The following ST3GAL4 variants were observed in gnomAD, a reference collection of about 807,000 sequenced individuals.
ST3GAL4 encodes the protein CMP-N-acetylneuraminate-beta-galactosamide-alpha-2,3-sialyltransferase 4.
ST3GAL4 carries 24 observed loss-of-function variants against 42.6 expected under a neutral mutation model. That is an observed-to-expected ratio of 0.56 (90% confidence interval 0.41 to 0.79). ST3GAL4 has a LOEUF of 0.79. Among genes scored for constraint, ST3GAL4 ranks in the 30% least tolerant of loss-of-function variants. ST3GAL4 has a pLI of 0.00. For synonymous variants in ST3GAL4, 135 were observed against 163.2 expected (o/e 0.83, Z 1.32); for missense variants, 311 against 430.8 (o/e 0.72, Z 2.46).
Position 126,397,044 on chromosome 11 carries a change from AC to A in ST3GAL4, c.-60-9048del, listed in dbSNP as rs904212205. Among the ~76,000 whole-genome samples, 1 of 151,960 alleles carries A rather than the reference AC, an allele frequency of 6.6e-6. No homozygotes were observed. The highest frequency in any genetic ancestry group is 2.4e-5 in the African/African-American group (1 of 41,324). ...AAACACCCCATAATACACAAGACAG[AC>A]CCCGCAACAGTGAACTCTCTGGCCC... On this transcript the variant is annotated intron_variant, in intron 1 of 10. Coordinates refer to ENST00000444328, the MANE Select transcript of ST3GAL4 (RefSeq NM_001254757.2). This position sits in a 1 kb window ranked among gnomAD's most constrained non-coding sequence, Gnocchi z 5.0.
chr11:126,414,024 A>G lies in ST3GAL4; in HGVS notation c.979A>G (p.Ile327Val), dbSNP rs2135574459. 2 of 1,614,226 alleles carry G rather than the reference A, an allele frequency of 1.2e-6. No individual in the cohort carries two copies. Among genetic ancestry groups the G allele is most frequent in the Non-Finnish European group, 1.7e-6 (2 of 1,180,038 alleles). Residue 327 changes from isoleucine to valine, a missense_variant, in exon 11 of 11, where the codon ATC becomes GTC. Physicochemically the swap from Ile to Val is conservative, Grantham distance 29 (BLOSUM62 3). Transcript: ENST00000444328. Reference protein sequence around the residue: ...AIKRMLEMGAIKNLTSF With the variant: ...AIKRMLEMGAVKNLTSF ...TAAGCGGATGCTGGAGATGGGAGCT[A>G]TCAAGAACCTCACGTCCTTCTGACC...
chr11:126,356,691 G>T (rs1477761814), intron 1 of ST3GAL4, among the ~76,000 whole-genome samples: 1 of 152,226 alleles, frequency 6.6e-6, no homozygotes, highest in Non-Finnish European at 1.5e-5. Context: ...GCCCAGCTGT[G>T]CCCTGTCTGA....
At chr11:126,405,792 T>A (rs1178453614) in intron 1 of ST3GAL4, 1 of 365,824 alleles carries the variant, frequency 2.7e-6, no homozygotes, top group Non-Finnish European at 5.1e-6. Flanking sequence ...CAGAAGGAGA[T>A]GGTGAGAAGA....
rs998203762 is a variant in ST3GAL4, at chr11:126,359,412, C to T, written c.-61+3570C>T. ...AATGGAGGATTGAAGGATTAAGTTACTTGGCCAAGGTCATACAGCTCGTAA... is the reference window on the plus strand; with the variant it reads ...AATGGAGGATTGAAGGATTAAGTTATTTGGCCAAGGTCATACAGCTCGTAA... On this transcript the variant is annotated intron_variant, in intron 1 of 10. Coordinates refer to ENST00000444328, the MANE Select transcript of ST3GAL4 (RefSeq NM_001254757.2). This position sits in a 1 kb window ranked among gnomAD's most constrained non-coding sequence, Gnocchi z 4.8. Among the ~76,000 whole-genome samples, 1 of 152,178 alleles carries T rather than the reference C, an allele frequency of 6.6e-6. No homozygotes were observed. Among genetic ancestry groups the T allele is most frequent in the Non-Finnish European group, 1.5e-5 (1 of 68,040 alleles).
chr11:126,374,016 C>T (rs920094247), intron 1 of ST3GAL4, among the ~76,000 whole-genome samples: 1 of 152,010 alleles, frequency 6.6e-6, no homozygotes, highest in Non-Finnish European at 1.5e-5. Flanking sequence ...GTATTGAGAG[C>T]CTGCTGGGTG....
chr11:126,397,360 G>T lies in ST3GAL4; in HGVS notation c.-60-8736G>T, dbSNP rs1018667991. On this transcript the variant is annotated intron_variant, in intron 1 of 10. Transcript: ENST00000444328. This position sits in a 1 kb window ranked among gnomAD's most constrained non-coding sequence, Gnocchi z 5.0. ...ATTCTATAGTACACTTAACTCTGGT[G>T]GGCTCTTGGTATAAAAATGTCTCCA... Among the ~76,000 whole-genome samples, 3 of 152,070 alleles carry T rather than the reference G, an allele frequency of 2.0e-5. No individual in the cohort carries two copies. Among genetic ancestry groups the T allele is most frequent in the Non-Finnish European group, 2.9e-5 (2 of 68,034 alleles).
At chr11:126,388,767 C>CTTTTTTTTTTT (rs10683946) in intron 1 of ST3GAL4, among the ~76,000 whole-genome samples, 1 of 52,054 alleles carries the variant, frequency 1.9e-5, no homozygotes, top group African/African-American at 9.1e-5. Context: ...TTTTCAGTGT[C>CTTTTTTTTTTT]TTTTTTTTTT....
rs1953156562 is a variant in ST3GAL4 at position 126,384,819 on chromosome 11, G to A, written c.-60-21277G>A. Reference sequence around the variant, plus strand: ...TCTGCCTGTCTCCCTGGCCGTGGCAGGTCCTTTGTCACATATGGGCCAGGA... The same window carrying A: ...TCTGCCTGTCTCCCTGGCCGTGGCAAGTCCTTTGTCACATATGGGCCAGGA... On this transcript the variant is annotated intron_variant, in intron 1 of 10. Coordinates refer to ENST00000444328, the MANE Select transcript of ST3GAL4 (RefSeq NM_001254757.2). This position sits in a 1 kb window ranked among gnomAD's most constrained non-coding sequence, Gnocchi z 5.5. 1 of 985,288 alleles carries A rather than the reference G, an allele frequency of 1.0e-6. No homozygotes were observed. The highest frequency in any genetic ancestry group is 1.7e-5 in the African/African-American group (1 of 57,222). 61.0% of individuals were successfully genotyped at this position (985,288 alleles called of 1,614,324 possible).
chr11:126,401,396 C>T lies in ST3GAL4; in HGVS notation c.-60-4700C>T, dbSNP rs546895252. 4.0e-5 allele frequency among the ~76,000 whole-genome samples: 6 copies of T among 151,878 alleles called. No homozygotes were observed. In the South Asian group the frequency reaches 1.0e-3, roughly 26 times the overall value. ...CAGCTTGGCCAACATGGTGAAACCC[C>T]GTCTCTACTAAACATACAAAAATTA... On this transcript the variant is annotated intron_variant, in intron 1 of 10. Coordinates refer to ENST00000444328, the MANE Select transcript of ST3GAL4 (RefSeq NM_001254757.2).
At chr11:126,399,334 T>C (rs376077402) in intron 1 of ST3GAL4, among the ~76,000 whole-genome samples, 45 of 127,726 alleles carry the variant, frequency 3.5e-4, no homozygotes, top group Non-Finnish European at 6.7e-4. Context: ...AGATGGAGTC[T>C]CACTCTGTTG....
chr11:126,366,212 C>A lies in ST3GAL4; in HGVS notation c.-61+10370C>A, dbSNP rs1342702761. Reference sequence around the variant, plus strand: ...GAGCCAGAGCTGGGGTGGGAGGAACCCAGTGGGCCTGGGGGAGGTAAAGCA... The same window carrying A: ...GAGCCAGAGCTGGGGTGGGAGGAACACAGTGGGCCTGGGGGAGGTAAAGCA... On this transcript the variant is annotated intron_variant, in intron 1 of 10. Coordinates refer to ENST00000444328, the MANE Select transcript of ST3GAL4 (RefSeq NM_001254757.2). This position sits in a 1 kb window ranked among gnomAD's most constrained non-coding sequence, Gnocchi z 4.2. Among the ~76,000 whole-genome samples, 1 of 152,188 alleles carries A rather than the reference C, an allele frequency of 6.6e-6. No homozygotes were observed. Among genetic ancestry groups the A allele is most frequent in the Non-Finnish European group, 1.5e-5 (1 of 68,028 alleles).
chr11:126,370,625 A>G (rs895918175), intron 1 of ST3GAL4, among the ~76,000 whole-genome samples: 2 of 150,806 alleles, frequency 1.3e-5, no homozygotes, highest in African/African-American at 4.9e-5. Context: ...ATGTGAGTGT[A>G]TTAATCTTTC....
rs181392768 is a variant in ST3GAL4, at chr11:126,378,555, C to T, written c.-61+22713C>T. 3.3e-3 allele frequency among the ~76,000 whole-genome samples: 503 copies of T among 152,214 alleles called. 2 individuals are homozygous for T. Among genetic ancestry groups the T allele is most frequent in the African/African-American group, 0.012 (482 of 41,540 alleles). ...TCCCAAGTAGCTGGGACTACAGGCA[C>T]CACCACCACGCCCAGCTATTTTTTT... On this transcript the variant is annotated intron_variant, in intron 1 of 10. Coordinates refer to ENST00000444328, the MANE Select transcript of ST3GAL4 (RefSeq NM_001254757.2). This position sits in a 1 kb window ranked among gnomAD's most constrained non-coding sequence, Gnocchi z 5.3.
intron 1 of ST3GAL4, among the ~76,000 whole-genome samples, chr11:126,362,995 C>G (rs577112209): frequency 2.0e-5 from 3 of 152,356 alleles, no homozygotes; most frequent in Non-Finnish European, 2.9e-5. Flanking sequence ...GCCTCTCCAG[C>G]CCCTACCTTA....
At chr11:126,387,374 A>T (rs1005513711) in intron 1 of ST3GAL4, among the ~76,000 whole-genome samples, 1 of 152,016 alleles carries the variant, frequency 6.6e-6, no homozygotes, top group African/African-American at 2.4e-5. Flanking sequence ...TATCACAGTC[A>T]CCAGTTTGAA....
intron 1 of ST3GAL4, among the ~76,000 whole-genome samples, chr11:126,367,921 G>A (rs1952494383): frequency 6.6e-6 from 1 of 152,156 alleles, no homozygotes; most frequent in African/African-American, 2.4e-5. Flanking sequence ...GCCAAGGCAG[G>A]TGGATCACTT....
intron 1 of ST3GAL4, among the ~76,000 whole-genome samples, chr11:126,380,007 A>G (rs1952938738): frequency 6.6e-6 from 1 of 152,004 alleles, no homozygotes; most frequent in African/African-American, 2.4e-5. Flanking sequence ...TGCGCCTGTA[A>G]TGGTAGCACT....
chr11:126,407,697 C>A, intron 6 of ST3GAL4, 63 bp downstream of exon 6: 1 of 1,495,464 alleles, frequency 6.7e-7, no homozygotes, highest in East Asian at 2.3e-5. Flanking sequence ...CTGCCCGCTC[C>A]CCCCACTCCC....
chr11:126,374,895 C>T (rs1952777523), intron 1 of ST3GAL4: 1 of 151,984 alleles, frequency 6.6e-6, no homozygotes, highest in South Asian at 2.1e-4. Context: ...CTGTACCTGG[C>T]AGTTGTATTA....
Sources: allele counts gnomAD v4.1 joint callset (sites outside exome capture counted in the v4.1 genomes callset), GRCh38; gene constraint gnomAD v4.1.1; non-coding constraint Gnocchi (gnomAD v3.1); transcripts MANE v1.5; gene names NCBI Gene and HGNC (gene_info 2026-07-23, HGNC 2026-07-21).